ANKRD45: variants seen among roughly 807,000 people sequenced by gnomAD.
ANKRD45 encodes the protein ankyrin repeat domain 45, also known as ankyrin repeat domain-containing protein 45.
In ANKRD45, 21 loss-of-function variants were observed where a neutral mutation model predicts 28.1. That is an observed-to-expected ratio of 0.75 (90% CI 0.53 to 1.08). The LOEUF is 1.08. ANKRD45 is among the 50% of genes least tolerant of loss of function. The pLI is 0.00. For synonymous variants in ANKRD45, 86 were observed against 103.9 expected (o/e 0.83, Z 1.05); for missense variants, 261 against 308.7 (o/e 0.85, Z 1.16).
intron 3 of ANKRD45, among the ~76,000 whole-genome samples, chr1:173,640,355 G>A (rs1190412923): frequency 6.6e-6 from 1 of 151,560 alleles, no homozygotes; most frequent in East Asian, 1.9e-4. Context: ...AGGGAAACTC[G>A]AGCCCACCTG....
rs1392015311 is a variant in ANKRD45 at position 173,650,634 on chromosome 1, G to A, written c.329-3621C>T. On this transcript the variant is annotated intron_variant, in intron 2 of 5. Transcript: ENST00000333279. ...ATATACCCAGTAATGGGATGGCTGG[G>A]TCAAATGGTATTTCTAGTTCTAGAT... Among the ~76,000 whole-genome samples, 5 of 152,292 alleles carry A rather than the reference G, an allele frequency of 3.3e-5. No homozygotes were observed. The East Asian group carries it at 9.6e-4, about 29-fold the overall frequency.
intron 5 of ANKRD45, among the ~76,000 whole-genome samples, chr1:173,622,080 C>T (rs553539186): frequency 6.6e-6 from 1 of 152,152 alleles, no homozygotes; most frequent in Admixed American, 6.5e-5. Flanking sequence ...GAATAAAATA[C>T]ATAAAAATAC....
At chr1:173,663,983 G>C (rs529269075) in intron 1 of ANKRD45, among the ~76,000 whole-genome samples, 3 of 152,028 alleles carry the variant, frequency 2.0e-5, no homozygotes, top group Non-Finnish European at 4.4e-5. Flanking sequence ...TTTACTACAG[G>C]TAACATATCA....
In ANKRD45 at chr1:173,635,388, T is replaced by C. The variant is rs10158034; in HGVS notation, c.497-8229A>G. On this transcript the variant is annotated intron_variant, in intron 3 of 5. Transcript: ENST00000333279. Reference sequence around the variant, plus strand: ...ATGAAGTGCTTTTATTGAAGCACCATTTTAACTAATAGCTCCTGGTATTTT... The same window carrying C: ...ATGAAGTGCTTTTATTGAAGCACCACTTTAACTAATAGCTCCTGGTATTTT... 38,092 of 724,562 alleles carry C rather than the reference T, an allele frequency of 0.053. 10,205 individuals are homozygous for C. The African/African-American group carries it at 0.59, about 11-fold the overall frequency. The allele number at this position is 724,562 out of a possible 1,614,324, so 44.9% of individuals were successfully genotyped here.
chr1:173,698,208 C>G, the ANKRD45 span, among the ~76,000 whole-genome samples: 1 of 152,098 alleles, frequency 6.6e-6, no homozygotes, highest in Non-Finnish European at 1.5e-5. Context: ...GATTCCCACA[C>G]AATAATAATG....
chr1:173,673,221 C>T (rs140430580), upstream of ANKRD45, among the ~76,000 whole-genome samples: 2,180 of 151,782 alleles, frequency 0.014, 59 homozygotes, highest in African/African-American at 0.05. Flanking sequence ...AGTGATTCTC[C>T]GGCCTCAGCC....
At chr1:173,679,633 G>A in the ANKRD45 span, among the ~76,000 whole-genome samples, 1 of 152,172 alleles carries the variant, frequency 6.6e-6, no homozygotes, top group African/African-American at 2.4e-5. Context: ...ACATGGGCAT[G>A]GACAAAGACT....
At chr1:173,705,916 A>G in the ANKRD45 span, among the ~76,000 whole-genome samples, 1 of 152,060 alleles carries the variant, frequency 6.6e-6, no homozygotes, top group Non-Finnish European at 1.5e-5. Context: ...CACTCACACT[A>G]TATTTCTACC....
chr1:173,613,275 C>T (rs1277752673), intron 5 of ANKRD45, among the ~76,000 whole-genome samples: 13 of 151,642 alleles, frequency 8.6e-5, no homozygotes, highest in African/African-American at 2.9e-4. Context: ...CGTCTCTGCC[C>T]GGCCGCCCCG....
At chr1:173,634,542 C>T (rs980093811) in intron 3 of ANKRD45, among the ~76,000 whole-genome samples, 2 of 151,852 alleles carry the variant, frequency 1.3e-5, no homozygotes, top group African/African-American at 2.4e-5. Flanking sequence ...ACACTGCCAC[C>T]TATAAAAATT....
In ANKRD45 at chr1:173,659,193, C is replaced by G; in HGVS notation, c.226G>C (p.Val76Leu). ...GCTGCATACAACAAATTTCTCCCAA[C>G]GATGTCTTCTTCTAAGAGAAGCTGC... ...AMQLLLEEDI[V>L]GRNLLYAACM... The change falls in exon 2 of 6, where the codon GTT (valine) becomes CTT (leucine). Residue 76 changes from valine (V) to leucine (L), a missense_variant. Coordinates refer to ENST00000333279, the MANE Select transcript of ANKRD45 (RefSeq NM_198493.3). 2 of 1,614,128 alleles carry G rather than the reference C, an allele frequency of 1.2e-6. No homozygotes were observed. Among genetic ancestry groups the G allele is most frequent in the Non-Finnish European group, 8.5e-7 (1 of 1,180,040 alleles).
chr1:173,610,322 G>C, intron 5 of ANKRD45, 107 bp from the exon 6 acceptor site: 1 of 1,004,932 alleles, frequency 1.0e-6, no homozygotes, highest in Admixed American at 1.9e-5. Flanking sequence ...ATTGTCCCAG[G>C]CTGAACCAGC....
the ANKRD45 span, among the ~76,000 whole-genome samples, chr1:173,694,495 G>C: frequency 2.0e-5 from 3 of 151,272 alleles, no homozygotes; most frequent in Non-Finnish European, 4.4e-5. Flanking sequence ...CAGATGGAAG[G>C]TAGTGTTTTC....
At chr1:173,616,434 T>C (rs941191579) in intron 5 of ANKRD45, among the ~76,000 whole-genome samples, 27 of 152,170 alleles carry the variant, frequency 1.8e-4, no homozygotes, top group African/African-American at 6.0e-4. Context: ...AAGTGACTGC[T>C]AATAGCTATA....
intron 5 of ANKRD45, among the ~76,000 whole-genome samples, chr1:173,613,464 G>GACA (rs1427344084): frequency 7.0e-6 from 1 of 142,416 alleles, no homozygotes; most frequent in African/African-American, 3.1e-5. Context: ...GGAGGTGGGG[G>GACA]GCAGCCCCCG....
chr1:173,654,611 T>C (rs1012555570), intron 2 of ANKRD45, among the ~76,000 whole-genome samples: 1 of 152,216 alleles, frequency 6.6e-6, no homozygotes, highest in Non-Finnish European at 1.5e-5. Context: ...CTTTGTGGTG[T>C]TCTCTGAATT....
intron 3 of ANKRD45, among the ~76,000 whole-genome samples, chr1:173,638,640 G>A (rs928758044): frequency 2.0e-5 from 3 of 152,186 alleles, no homozygotes; most frequent in East Asian, 1.9e-4. Flanking sequence ...AATATTAGTT[G>A]AAGAAAGTAG....
the ANKRD45 span, among the ~76,000 whole-genome samples, chr1:173,680,364 A>G: frequency 1.3e-5 from 2 of 152,320 alleles, no homozygotes; most frequent in African/African-American, 2.4e-5. Flanking sequence ...CAGTCATAAA[A>G]AAGGATGAGT....
At chr1:173,613,464 G>GC (rs1427344084) in intron 5 of ANKRD45, among the ~76,000 whole-genome samples, 12 of 142,406 alleles carry the variant, frequency 8.4e-5, no homozygotes, top group African/African-American at 3.4e-4. Context: ...GGAGGTGGGG[G>GC]GCAGCCCCCG....
Sources: gnomAD v4.1 joint callset for allele counts (sites outside exome capture counted in the v4.1 genomes callset) on GRCh38, gnomAD v4.1.1 for gene constraint, MANE v1.5 for transcripts, NCBI Gene and HGNC (gene_info 2026-07-23, HGNC 2026-07-21) for gene names.